The following RELN variants were observed in gnomAD, a reference collection of about 807,000 sequenced individuals.
RELN encodes the protein reelin.
Under a neutral mutation model 427.6 loss-of-function variants are expected in RELN, and 108 were observed. The ratio of observed to expected loss-of-function variants is 0.25; its 90% CI spans 0.22 to 0.30. The LOEUF (loss-of-function observed/expected upper bound fraction) is 0.30. Ranked by LOEUF, RELN falls within the 10% of genes least tolerant of loss-of-function variation. RELN has a pLI of 1.00. For missense variants in RELN, 3,715 were observed against 4,302.8 expected (o/e 0.86, Z 3.82); for synonymous variants, 1,524 against 1,513.4 (o/e 1.01, Z -0.16).
At chr7:103,630,848 T>TTTTG (rs1338838500) in intron 19 of RELN, among the ~76,000 whole-genome samples, 2 of 71,614 alleles carry the variant, frequency 2.8e-5, no homozygotes, top group East Asian at 4.1e-4. Flanking sequence ...GAGTTATTTT[T>TTTTG]TTGTTTTTTT....
chr7:103,578,797 G>A (rs918505355), intron 28 of RELN, among the ~76,000 whole-genome samples: 1 of 152,196 alleles, frequency 6.6e-6, no homozygotes, highest in Non-Finnish European at 1.5e-5. Flanking sequence ...TACTTTTAGA[G>A]TAGAGGAGAT....
intron 3 of RELN, among the ~76,000 whole-genome samples, chr7:103,804,419 C>T (rs1487928023): frequency 3.9e-5 from 6 of 152,180 alleles, no homozygotes; most frequent in African/African-American, 1.4e-4. Context: ...GAATGTCTGA[C>T]AAATTCGGAA....
chr7:103,725,447 T>TGGGAGGCTGAGGC (rs11267358), intron 7 of RELN, among the ~76,000 whole-genome samples: 38,857 of 110,972 alleles, frequency 0.35, 5,101 homozygotes, highest in South Asian at 0.47. Context: ...CCCAGCTACT[T>TGGGAGGCTGAGGC]AGGAGGCTGA....
chr7:103,592,836 A>G (rs1831450661), intron 27 of RELN, among the ~76,000 whole-genome samples: 1 of 152,188 alleles, frequency 6.6e-6, no homozygotes, highest in Non-Finnish European at 1.5e-5. Flanking sequence ...ATATAGATTC[A>G]TATATTGTTA....
intron 50 of RELN, among the ~76,000 whole-genome samples, chr7:103,511,213 A>G (rs1829401044): frequency 1.3e-5 from 2 of 152,234 alleles, no homozygotes; most frequent in Non-Finnish European, 2.9e-5. Context: ...TGATATTAGT[A>G]CACACACAAC....
At chr7:103,899,590 C>T (rs899408724) in intron 2 of RELN, among the ~76,000 whole-genome samples, 2 of 152,094 alleles carry the variant, frequency 1.3e-5, no homozygotes, top group African/African-American at 4.8e-5. Context: ...AAAGCTTATC[C>T]ACCATGATCA....
intron 1 of RELN, among the ~76,000 whole-genome samples, chr7:103,962,095 A>C (rs1361596448): frequency 6.6e-6 from 1 of 152,054 alleles, no homozygotes; most frequent in East Asian, 1.9e-4. Flanking sequence ...GGATCATTTT[A>C]TTAAATCTCT....
At chr7:103,631,175 G>C (rs1488773020) in intron 19 of RELN, among the ~76,000 whole-genome samples, 2 of 151,130 alleles carry the variant, frequency 1.3e-5, no homozygotes, top group East Asian at 3.9e-4. Flanking sequence ...GTACAGAACT[G>C]GTAGGACTTG....
intron 2 of RELN, among the ~76,000 whole-genome samples, chr7:103,900,232 C>T (rs185366103): frequency 6.2e-4 from 94 of 152,242 alleles, no homozygotes; most frequent in African/African-American, 2.2e-3. Flanking sequence ...AGGAATACAA[C>T]TTAGAAGATA....
At chr7:103,479,793 C>T (rs1437658952) in intron 63 of RELN, among the ~76,000 whole-genome samples, 2 of 152,174 alleles carry the variant, frequency 1.3e-5, no homozygotes, top group African/African-American at 2.4e-5. Flanking sequence ...AGTTTGTTCT[C>T]ATTAAACTTG....
chr7:103,976,453 GC>G (rs1327422629), intron 1 of RELN, among the ~76,000 whole-genome samples: 1 of 152,218 alleles, frequency 6.6e-6, no homozygotes, highest in Admixed American at 6.5e-5. Context: ...GTGAGAAGTG[GC>G]TGAGGCAATG....
In RELN at chr7:103,515,390, G is replaced by A; in HGVS notation, c.7914C>T (p.Phe2638=). 1 of 1,614,164 alleles carries A rather than the reference G, an allele frequency of 6.2e-7. No homozygotes were observed. The highest frequency in any genetic ancestry group is 8.5e-7 in the Non-Finnish European group (1 of 1,180,014). ...CGTCATGTCTTGGCTGCCACCAGCG[G>A]AAGCGAGTGGCAATCTCTTTAGCAT... ...PPDAKEIATR[F]RWWQPRHDGL... is the part of the protein sequence containing the mutation. Residue 2638 remains phenylalanine, a synonymous_variant, in exon 50 of 65, where the codon TTC becomes TTT. Coordinates refer to ENST00000428762, the MANE Select transcript of RELN (RefSeq NM_005045.4).
chr7:103,621,100 A>G (rs1321040914), intron 20 of RELN, among the ~76,000 whole-genome samples: 1 of 152,212 alleles, frequency 6.6e-6, no homozygotes, highest in East Asian at 1.9e-4. Context: ...TTGAAATTTC[A>G]TCTCACTTCA....
At chr7:103,494,392 T>G (rs569629116) in intron 57 of RELN, among the ~76,000 whole-genome samples, 2 of 150,568 alleles carry the variant, frequency 1.3e-5, no homozygotes, top group South Asian at 2.1e-4. Flanking sequence ...TGTGTGTGTG[T>G]GGGATATGGT....
Position 103,566,722 on chromosome 7 carries a change from G to T in RELN, c.4626C>A (p.Leu1542=). The change falls in exon 32 of 65, where the codon CTC becomes CTA. Residue 1542 remains leucine, a synonymous_variant. Transcript: ENST00000428762. ...AGTCCAACTCTCGAAGCAAATGCCAGAGTATCCCATTGTCATTTGAATACT... is the reference window on the plus strand; with the variant it reads ...AGTCCAACTCTCGAAGCAAATGCCATAGTATCCCATTGTCATTTGAATACT... ...IVQYSNDNGI[L]WHLLRELDFM... 1 of 1,614,126 alleles carries T rather than the reference G, an allele frequency of 6.2e-7. No individual in the cohort carries two copies. The highest frequency in any genetic ancestry group is 8.5e-7 in the Non-Finnish European group (1 of 1,179,942).
At chr7:103,518,491 C>T (rs1002093828) in intron 49 of RELN, among the ~76,000 whole-genome samples, 2 of 116,084 alleles carry the variant, frequency 1.7e-5, no homozygotes, top group African/African-American at 9.6e-5. Context: ...TGCCACCACA[C>T]CCAGGTAATT....
At chr7:103,533,708 G>A (rs1440160251) in intron 46 of RELN, among the ~76,000 whole-genome samples, 1 of 152,066 alleles carries the variant, frequency 6.6e-6, no homozygotes, top group Non-Finnish European at 1.5e-5. Flanking sequence ...ATTCTTGTGG[G>A]TATGTACAAG....
At chr7:103,764,207 C>G (rs183349468) in intron 4 of RELN, among the ~76,000 whole-genome samples, 3 of 152,284 alleles carry the variant, frequency 2.0e-5, no homozygotes, top group Admixed American at 2.0e-4. Context: ...GTGCTAGCCA[C>G]TATGCTATGC....
chr7:103,899,646 C>T (rs61395291), intron 2 of RELN, among the ~76,000 whole-genome samples: 12,000 of 151,742 alleles, frequency 0.079, 638 homozygotes, highest in African/African-American at 0.16. Flanking sequence ...ACATACACAA[C>T]ATACACAAAT....
Sources: allele counts gnomAD v4.1 joint callset (sites outside exome capture counted in the v4.1 genomes callset), GRCh38; gene constraint gnomAD v4.1.1; transcripts MANE v1.5; gene names NCBI Gene and HGNC (gene_info 2026-07-23, HGNC 2026-07-21).